CADPS: variants seen among roughly 807,000 people sequenced by gnomAD.
The protein encoded by CADPS is calcium-dependent secretion activator 1.
CADPS carries 57 observed loss-of-function variants against 167.3 expected under a neutral mutation model. That is an observed-to-expected ratio of 0.34 (90% CI 0.28 to 0.42). The LOEUF is 0.42. Among genes scored for constraint, CADPS ranks in the 20% least tolerant of loss-of-function variants. The pLI is 1.00. For synonymous variants in CADPS, 676 were observed against 635.3 expected (o/e 1.06, Z -0.96); for missense variants, 1,414 against 1,738.1 (o/e 0.81, Z 3.32).
intron 1 of CADPS, among the ~76,000 whole-genome samples, chr3:62,769,467 G>T (rs141899975): frequency 3.9e-5 from 6 of 151,986 alleles, no homozygotes; most frequent in Non-Finnish European, 8.8e-5. Flanking sequence ...CCTGACTTCA[G>T]GTGATCCACC....
intron 28 of CADPS, among the ~76,000 whole-genome samples, chr3:62,409,541 T>C (rs1444320515): frequency 1.3e-5 from 2 of 152,212 alleles, no homozygotes; most frequent in African/African-American, 2.4e-5. Context: ...TTGCTGACTC[T>C]TAAGGGAAAT....
intron 6 of CADPS, among the ~76,000 whole-genome samples, chr3:62,635,703 A>C (rs1262160745): frequency 1.4e-5 from 2 of 142,694 alleles, no homozygotes; most frequent in African/African-American, 5.3e-5. Flanking sequence ...CTGTTCTTTT[A>C]GGTATGGAGC....
chr3:62,784,335 G>C (rs1288154877), intron 1 of CADPS, among the ~76,000 whole-genome samples: 4 of 152,094 alleles, frequency 2.6e-5, no homozygotes, highest in Non-Finnish European at 5.9e-5. Context: ...CAAGCTTTTT[G>C]TGTGTGTTTG....
intron 26 of CADPS, among the ~76,000 whole-genome samples, chr3:62,449,761 T>A (rs2057765758): frequency 6.6e-6 from 1 of 152,076 alleles, no homozygotes; most frequent in Admixed American, 6.6e-5. Flanking sequence ...TAGCTTTTTG[T>A]CTTTGTGTAT....
At chr3:62,451,081 G>T (rs1418395716) in intron 26 of CADPS, among the ~76,000 whole-genome samples, 1 of 151,846 alleles carries the variant, frequency 6.6e-6, no homozygotes, top group East Asian at 1.9e-4. Context: ...AAAAAAAAAT[G>T]TATGAGGGAC....
At chr3:62,570,688 C>T (rs1319387094) in intron 9 of CADPS, among the ~76,000 whole-genome samples, 184 bp downstream of exon 9, 4 of 152,072 alleles carry the variant, frequency 2.6e-5, no homozygotes, top group Admixed American at 6.6e-5. Flanking sequence ...CACAAGGGAG[C>T]CCTTTGGGTA....
intron 3 of CADPS, among the ~76,000 whole-genome samples, chr3:62,736,113 C>T (rs889018916): frequency 6.6e-6 from 1 of 152,098 alleles, no homozygotes; most frequent in African/African-American, 2.4e-5. Flanking sequence ...GTTCAAGTTC[C>T]AAGGATACCT....
chr3:62,827,417 C>G, intron 1 of CADPS, among the ~76,000 whole-genome samples: 1 of 152,126 alleles, frequency 6.6e-6, no homozygotes, highest in Non-Finnish European at 1.5e-5. Context: ...CTTATAACCC[C>G]CATGAGGCAC....
chr3:62,584,635 T>G (rs2148590974), intron 8 of CADPS, among the ~76,000 whole-genome samples: 1 of 152,348 alleles, frequency 6.6e-6, no homozygotes, highest in South Asian at 2.1e-4. Context: ...TACCTATTCT[T>G]TTTGCTTTAC....
rs1419895232 is a variant in CADPS at position 62,398,456 on chromosome 3, A to C, written c.*950T>G. ...AAGATGGATCCACTACTTTACATGG[A>C]AAGAAATAGCTCTGCAGCAAACCCC... On this transcript the variant is annotated 3_prime_UTR_variant, in exon 30 of 30. Coordinates refer to ENST00000383710, the MANE Select transcript of CADPS (RefSeq NM_003716.4). 1 of 152,662 alleles carries C rather than the reference A, an allele frequency of 6.6e-6. No homozygotes were observed. The highest frequency in any genetic ancestry group is 1.5e-5 in the Non-Finnish European group (1 of 68,040). The allele number at this position is 152,662 out of a possible 1,614,324, so 9.5% of individuals were successfully genotyped here. A position where few individuals can be genotyped will look rare whatever the true frequency, so the allele number is the denominator to read the frequency against.
At chr3:62,670,162 T>C (rs1157553668) in intron 3 of CADPS, among the ~76,000 whole-genome samples, 1 of 152,164 alleles carries the variant, frequency 6.6e-6, no homozygotes, top group African/African-American at 2.4e-5. Context: ...CAAAGGACTA[T>C]TGTAATGATG....
intron 4 of CADPS, among the ~76,000 whole-genome samples, chr3:62,654,696 T>G (rs1047279323): frequency 6.6e-6 from 1 of 152,140 alleles, no homozygotes; most frequent in Admixed American, 6.6e-5. Context: ...AGCCTGAAAC[T>G]CATTACACTG....
intron 28 of CADPS, among the ~76,000 whole-genome samples, chr3:62,416,437 C>T (rs1372245663): frequency 2.0e-5 from 3 of 152,274 alleles, no homozygotes; most frequent in South Asian, 4.1e-4. Context: ...TTTATTTAAA[C>T]GGTGACATAT....
chr3:62,694,189 G>A (rs1045362025), intron 3 of CADPS, among the ~76,000 whole-genome samples: 1 of 151,988 alleles, frequency 6.6e-6, no homozygotes, highest in Admixed American at 6.6e-5. Context: ...AATCTCTATG[G>A]CAATAATATT....
chr3:62,789,868 T>G (rs1466037968), intron 1 of CADPS, among the ~76,000 whole-genome samples: 2 of 152,154 alleles, frequency 1.3e-5, no homozygotes, highest in Non-Finnish European at 2.9e-5. Context: ...TTAACATAGT[T>G]TTTCCTGCTC....
chr3:62,738,915 GGCTTTAAACAATTTTAT>G (rs1353938922), intron 3 of CADPS, among the ~76,000 whole-genome samples: 1 of 151,934 alleles, frequency 6.6e-6, no homozygotes, highest in African/African-American at 2.4e-5. Context: ...GGCATATATT[GGCTTTAAACAATTTTAT>G]GCCAGGGCAT....
chr3:62,701,639 A>C (rs2151557037), intron 3 of CADPS, among the ~76,000 whole-genome samples: 1 of 151,650 alleles, frequency 6.6e-6, no homozygotes, highest in South Asian at 2.1e-4. Flanking sequence ...AAGAAAGGAA[A>C]AGAAAAGAAA....
At chr3:62,694,609 T>C (rs2079919719) in intron 3 of CADPS, among the ~76,000 whole-genome samples, 1 of 152,096 alleles carries the variant, frequency 6.6e-6, no homozygotes, top group Non-Finnish European at 1.5e-5. Flanking sequence ...ACAATGCTTC[T>C]ACCAGCACTA....
intron 26 of CADPS, among the ~76,000 whole-genome samples, chr3:62,460,218 A>G (rs1043072976): frequency 6.6e-6 from 1 of 152,230 alleles, no homozygotes; most frequent in Non-Finnish European, 1.5e-5. Flanking sequence ...GAGAAAATGC[A>G]TGCATACACT....
Sources: gnomAD v4.1 joint callset for allele counts (sites outside exome capture counted in the v4.1 genomes callset) on GRCh38, gnomAD v4.1.1 for gene constraint, MANE v1.5 for transcripts, NCBI Gene and HGNC (gene_info 2026-07-23, HGNC 2026-07-21) for gene names.